The following INPP4B variants were observed in gnomAD, a reference collection of about 807,000 sequenced individuals.
The protein encoded by INPP4B is inositol polyphosphate-4-phosphatase type II B.
In INPP4B, 55 loss-of-function variants were observed where a neutral mutation model predicts 122.5. The observed-to-expected ratio is 0.45, with a 90% confidence interval of 0.36 to 0.56. The LOEUF is 0.56. Ranked by LOEUF, INPP4B falls within the 20% of genes least tolerant of loss-of-function variation. The pLI, the probability that INPP4B is intolerant of heterozygous loss-of-function variation, is 0.00. For synonymous variants in INPP4B, 403 were observed against 388.7 expected, an observed-to-expected ratio of 1.04 and a Z score of -0.43; for missense variants, 1,000 against 1,097.7, an observed-to-expected ratio of 0.91 and a Z score of 1.26.
chr4:142,099,610 C>A (rs1318313032), intron 23 of INPP4B, among the ~76,000 whole-genome samples: 1 of 152,024 alleles, frequency 6.6e-6, no homozygotes, highest in Non-Finnish European at 1.5e-5. Flanking sequence ...ACCCTTATGT[C>A]TTCAAGTTTA....
At chr4:142,445,039 A>C (rs1812606373) in intron 3 of INPP4B, among the ~76,000 whole-genome samples, 2 of 152,078 alleles carry the variant, frequency 1.3e-5, no homozygotes. Context: ...GGGGAGGGAG[A>C]GCATTAGGAC....
At chr4:142,471,744 G>A (rs989554692) in intron 2 of INPP4B, among the ~76,000 whole-genome samples, 3 of 152,028 alleles carry the variant, frequency 2.0e-5, no homozygotes, top group African/African-American at 4.8e-5. Context: ...ATTTAGCTGG[G>A]GTTGGAGCTC....
At chr4:142,808,149 C>T (rs531318702) in intron 1 of INPP4B, among the ~76,000 whole-genome samples, 3 of 151,962 alleles carry the variant, frequency 2.0e-5, no homozygotes, top group African/African-American at 7.2e-5. Flanking sequence ...GAAAAACAAG[C>T]CATCCATCCA....
At chr4:142,326,310 C>T (rs1034150385) in intron 7 of INPP4B, among the ~76,000 whole-genome samples, 1 of 152,178 alleles carries the variant, frequency 6.6e-6, no homozygotes, top group African/African-American at 2.4e-5. Flanking sequence ...GGGATGTTTA[C>T]ATATTTTACA....
At chr4:142,262,309 C>A (rs1025292732) in intron 10 of INPP4B, among the ~76,000 whole-genome samples, 4 of 152,162 alleles carry the variant, frequency 2.6e-5, no homozygotes, top group African/African-American at 9.7e-5. Flanking sequence ...ACTCCTCTAC[C>A]CCTTAGCTCC....
At chr4:142,334,814 T>G (rs1487724544) in intron 7 of INPP4B, among the ~76,000 whole-genome samples, 3 of 152,202 alleles carry the variant, frequency 2.0e-5, no homozygotes, top group African/African-American at 2.4e-5. Flanking sequence ...TGTTGTTGTT[T>G]TTTATTTTTT....
chr4:142,145,642 C>T (rs908818510), intron 18 of INPP4B, among the ~76,000 whole-genome samples, 198 bp downstream of exon 18: 6 of 151,992 alleles, frequency 3.9e-5, no homozygotes, highest in Non-Finnish European at 8.8e-5. Context: ...AAGAACATTG[C>T]TAGCAGTTCC....
At chr4:142,042,512 GTGTGTGTA>G (rs1441985557) in intron 25 of INPP4B, among the ~76,000 whole-genome samples, 350 of 46,384 alleles carry the variant, frequency 7.5e-3, no homozygotes, top group South Asian at 0.018. Flanking sequence ...CAATTTATGT[GTGTGTGTA>G]TGTATGTATG....
intron 2 of INPP4B, among the ~76,000 whole-genome samples, chr4:142,510,666 T>A (rs1824601193): frequency 6.6e-6 from 1 of 152,194 alleles, no homozygotes; most frequent in Non-Finnish European, 1.5e-5. Flanking sequence ...ACCTTAAATA[T>A]CATGCCTTAT....
At chr4:142,370,660 A>G (rs1789554888) in intron 7 of INPP4B, among the ~76,000 whole-genome samples, 1 of 152,106 alleles carries the variant, frequency 6.6e-6, no homozygotes, top group South Asian at 2.1e-4. Flanking sequence ...CTAACTGAAA[A>G]AGAAATCAAG....
At chr4:142,754,359 A>C (rs1317386980) in intron 1 of INPP4B, among the ~76,000 whole-genome samples, 1 of 152,042 alleles carries the variant, frequency 6.6e-6, no homozygotes, top group Non-Finnish European at 1.5e-5. Flanking sequence ...AACAAAAAGA[A>C]TTGCTTGGAA....
chr4:142,369,725 G>A (rs1211386762), intron 7 of INPP4B, among the ~76,000 whole-genome samples: 1 of 151,752 alleles, frequency 6.6e-6, no homozygotes, highest in Non-Finnish European at 1.5e-5. Context: ...TTAGGAGTTC[G>A]AGACCGGCCG....
chr4:142,336,092 G>A (rs1324444323), intron 7 of INPP4B, among the ~76,000 whole-genome samples: 9 of 152,142 alleles, frequency 5.9e-5, no homozygotes, highest in African/African-American at 2.2e-4. Context: ...CTGCTTTTGG[G>A]CTCCCTCTCA....
At chr4:142,564,641 A>C (rs1731246985) in intron 2 of INPP4B, among the ~76,000 whole-genome samples, 1 of 152,088 alleles carries the variant, frequency 6.6e-6, no homozygotes, top group African/African-American at 2.4e-5. Flanking sequence ...TCTCTTACCC[A>C]TAAATTAAGA....
rs1245888037 is a variant in INPP4B at position 142,143,966 on chromosome 4, A to T, written c.1720+1874T>A. Among the ~76,000 whole-genome samples the T allele has an allele frequency of 2.6e-5, 4 of 152,054 alleles. No homozygotes were observed. In the South Asian group the frequency reaches 6.2e-4, roughly 24 times the overall value. ...GAAAGAATTGGTGATGAGTGAAATA[A>T]ACATAGATAATAAAATAAGAAAATA... On this transcript the variant is annotated intron_variant, in intron 18 of 25. Transcript: ENST00000262992.
At chr4:142,714,546 A>C (rs536708220) in intron 2 of INPP4B, among the ~76,000 whole-genome samples, 2 of 152,342 alleles carry the variant, frequency 1.3e-5, no homozygotes, top group East Asian at 3.9e-4. Context: ...CAAATGAGAT[A>C]AAGCTGATGA....
chr4:142,428,922 C>T (rs1808695045), intron 5 of INPP4B, among the ~76,000 whole-genome samples: 1 of 151,906 alleles, frequency 6.6e-6, no homozygotes, highest in Non-Finnish European at 1.5e-5. Context: ...GAGTGCTGGG[C>T]ATGGAATGTG....
At chr4:142,154,291 T>C (rs1457582781) in intron 17 of INPP4B, among the ~76,000 whole-genome samples, 3 of 152,168 alleles carry the variant, frequency 2.0e-5, no homozygotes, top group African/African-American at 7.2e-5. Flanking sequence ...GAAGAAATTA[T>C]TTCTGTGTAA....
At chr4:142,332,481 T>A (rs540391682) in intron 7 of INPP4B, among the ~76,000 whole-genome samples, 1 of 151,566 alleles carries the variant, frequency 6.6e-6, no homozygotes, top group African/African-American at 2.4e-5. Flanking sequence ...CCTTGAGAAA[T>A]GAGTACACTT....
Sources: gnomAD v4.1 joint callset for allele counts (sites outside exome capture counted in the v4.1 genomes callset) on GRCh38, gnomAD v4.1.1 for gene constraint, MANE v1.5 for transcripts, NCBI Gene and HGNC (gene_info 2026-07-23, HGNC 2026-07-21) for gene names.